XRCC6: variants seen among roughly 807,000 people sequenced by gnomAD.
The protein encoded by XRCC6 is DNA repair protein Ku70.
Under a neutral mutation model 65.7 loss-of-function variants are expected in XRCC6, and 5 were observed. The ratio of observed to expected loss-of-function variants is 0.08; its 90% confidence interval spans 0.04 to 0.16. The LOEUF (loss-of-function observed/expected upper bound fraction) is 0.16, where lower values mean the gene tolerates loss of function less well. Ranked by LOEUF, XRCC6 falls within the 10% of genes least tolerant of loss-of-function variation. The pLI is 1.00. For synonymous variants in XRCC6, 270 were observed against 270.6 expected (o/e 1.00, Z 0.02); for missense variants, 447 against 738.1 (o/e 0.61, Z 4.57).
intron 2 of XRCC6, among the ~76,000 whole-genome samples, chr22:41,625,325 A>C (rs1483777719): frequency 6.6e-6 from 1 of 152,116 alleles, no homozygotes; most frequent in Non-Finnish European, 1.5e-5. Context: ...CAGCTAATTA[A>C]ACTTATTAAG....
chr22:41,628,083 A>G (rs537868151), intron 2 of XRCC6, 35 bp from the exon 3 acceptor site: 1 of 1,454,852 alleles, frequency 6.9e-7, no homozygotes, highest in Non-Finnish European at 9.5e-7. Context: ...TACGAAAACA[A>G]GGACAAACAT....
At chr22:41,637,962 T>TAAA (rs132775) in intron 6 of XRCC6, among the ~76,000 whole-genome samples, 171 bp downstream of exon 6, 235 of 131,108 alleles carry the variant, frequency 1.8e-3, no homozygotes, top group African/African-American at 6.3e-3. Context: ...TCTCTCTACC[T>TAAA]AAAAAAAAAA....
intron 3 of XRCC6, among the ~76,000 whole-genome samples, chr22:41,633,000 G>A (rs1477273560): frequency 6.6e-6 from 1 of 151,874 alleles, no homozygotes; most frequent in African/African-American, 2.4e-5. Flanking sequence ...GGTGGCGTGC[G>A]CCTGTAGTCT....
intron 9 of XRCC6, among the ~76,000 whole-genome samples, chr22:41,655,451 TAATCCC>T (rs978616098): frequency 3.3e-5 from 5 of 151,728 alleles, no homozygotes; most frequent in African/African-American, 4.8e-5. Context: ...CTCACGCCTG[TAATCCC>T]AGCACTTTGG....
intron 2 of XRCC6, among the ~76,000 whole-genome samples, chr22:41,622,700 G>A (rs2067622675): frequency 6.6e-6 from 1 of 152,116 alleles, no homozygotes; most frequent in Admixed American, 6.6e-5. Context: ...CAGCACTTTG[G>A]GAGGCCGAGG....
At chr22:41,652,035 C>T (rs28384758) in intron 8 of XRCC6, among the ~76,000 whole-genome samples, 2,640 of 152,202 alleles carry the variant, frequency 0.017, 75 homozygotes, top group African/African-American at 0.059. Context: ...TCACCCGCCT[C>T]GGCCTCCCAA....
chr22:41,637,081 T>C (rs2067818081), intron 5 of XRCC6, among the ~76,000 whole-genome samples: 2 of 136,434 alleles, frequency 1.5e-5, no homozygotes, highest in African/African-American at 6.1e-5. Flanking sequence ...TGTCTTGATT[T>C]TTTTTTTTTT....
At position 41,637,510 on chromosome 22, in the gene XRCC6, G is replaced by C. The variant is rs887758676; in HGVS notation, c.590-98G>C. ...GAAAATGTTAATAGTCTAGTTTTCAGGGAGCTTTTAAAAGCATGTTTCAGT... is the reference window on the plus strand; with the variant it reads ...GAAAATGTTAATAGTCTAGTTTTCACGGAGCTTTTAAAAGCATGTTTCAGT... On this transcript the variant is annotated intron_variant, in intron 5 of 12. Transcript: ENST00000360079. 141 of 1,130,178 alleles carry C rather than the reference G, an allele frequency of 1.2e-4. No individual in the cohort carries two copies. The African/African-American group carries it at 2.0e-3, about 16-fold the overall frequency. 70.0% of individuals were successfully genotyped at this position (1,130,178 alleles called of 1,614,324 possible).
chr22:41,646,555 T>G (rs775592608), intron 6 of XRCC6, among the ~76,000 whole-genome samples: 1 of 152,160 alleles, frequency 6.6e-6, no homozygotes, highest in Non-Finnish European at 1.5e-5. Context: ...TGTTAGATTT[T>G]TGGGTTGGGA....
intron 6 of XRCC6, among the ~76,000 whole-genome samples, chr22:41,643,873 T>C (rs1601543712): frequency 6.9e-6 from 1 of 144,526 alleles, no homozygotes; most frequent in South Asian, 2.2e-4. Context: ...TAGTCCCAGC[T>C]ACTTGGGAGG....
intron 2 of XRCC6, 78 bp downstream of exon 2, chr22:41,622,164 T>G: frequency 4.1e-6 from 6 of 1,447,162 alleles, no homozygotes; most frequent in Non-Finnish European, 5.8e-6. Flanking sequence ...GGATGGACTT[T>G]GCTGTTTGAT....
At chr22:41,633,181 G>A (rs1001112821) in intron 3 of XRCC6, among the ~76,000 whole-genome samples, 3 of 151,976 alleles carry the variant, frequency 2.0e-5, no homozygotes, top group Non-Finnish European at 4.4e-5. Context: ...AAAAACAATC[G>A]TTAATTTAAA....
At position 41,646,913 on chromosome 22, in the gene XRCC6, A is replaced by C. The variant is rs777502377; in HGVS notation, c.791A>C (p.Asn264Thr). 1 of 1,608,760 alleles carries C rather than the reference A, an allele frequency of 6.2e-7. No individual in the cohort carries two copies. Among genetic ancestry groups the C allele is most frequent in the South Asian group, 1.1e-5 (1 of 90,728 alleles). The change falls in exon 7 of 13, where the codon AAC becomes ACC. Residue 264 changes from asparagine (N) to threonine (T), a missense_variant. This residue lies in a region of XRCC6 where 14 missense variants were observed against 23.8 expected (regional missense o/e 0.59). Coordinates refer to ENST00000360079, the MANE Select transcript of XRCC6 (RefSeq NM_001469.5). ...TCCCTCAGGTTAAAGCTGAAGCTCAACAAAGATATAGTGATCTCTGTGGGC... is the reference window on the plus strand; with the variant it reads ...TCCCTCAGGTTAAAGCTGAAGCTCACCAAAGATATAGTGATCTCTGTGGGC... Reference protein sequence around the residue: ...RALSRLKLKLNKDIVISVGIY... With the variant: ...RALSRLKLKLTKDIVISVGIY...
intron 9 of XRCC6, among the ~76,000 whole-genome samples, chr22:41,655,304 G>T (rs1230499127): frequency 1.3e-5 from 2 of 150,246 alleles, no homozygotes; most frequent in East Asian, 3.9e-4. Context: ...CCACAAAATT[G>T]TTAAGGGAAA....
At chr22:41,656,698 C>G (rs2147113579) in intron 9 of XRCC6, among the ~76,000 whole-genome samples, 1 of 152,256 alleles carries the variant, frequency 6.6e-6, no homozygotes, top group African/African-American at 2.4e-5. Flanking sequence ...AAGGGGCACC[C>G]CTCCTCCCTT....
intron 9 of XRCC6, 92 bp downstream of exon 9, chr22:41,653,782 T>G: frequency 6.9e-7 from 1 of 1,441,320 alleles, no homozygotes; most frequent in South Asian, 1.4e-5. Flanking sequence ...TGAATCATAG[T>G]CTCTGGGAAT....
chr22:41,628,298 C>A, intron 3 of XRCC6, 68 bp downstream of exon 3: 1 of 1,360,892 alleles, frequency 7.3e-7, no homozygotes, highest in Non-Finnish European at 1.0e-6. Flanking sequence ...GCGGCTCATG[C>A]CTGTAATCTC....
intron 9 of XRCC6, among the ~76,000 whole-genome samples, chr22:41,656,058 T>C (rs188104873): frequency 6.7e-6 from 1 of 150,306 alleles, no homozygotes; most frequent in East Asian, 2.0e-4. Context: ...GGTGAAACTC[T>C]GTCTCTGCAA....
intron 1 of XRCC6, 193 bp from the exon 2 acceptor site, chr22:41,621,797 T>C (rs1291836632): frequency 1.8e-6 from 1 of 566,342 alleles, no homozygotes; most frequent in Non-Finnish European, 3.1e-6. Context: ...ATAGCTGAGA[T>C]GAGGCAGCTA....
Sources: gnomAD v4.1 joint callset for allele counts (sites outside exome capture counted in the v4.1 genomes callset) on GRCh38, gnomAD v4.1.1 for gene constraint, gnomAD v4.1.1 regional missense constraint, MANE v1.5 for transcripts, NCBI Gene and HGNC (gene_info 2026-07-23, HGNC 2026-07-21) for gene names.